ZBTB7C: variants seen among roughly 807,000 people sequenced by gnomAD.
ZBTB7C encodes zinc finger and BTB domain-containing protein 7C.
ZBTB7C carries 8 observed loss-of-function variants against 25.7 expected under a neutral mutation model. The observed-to-expected ratio is 0.31, with a 90% CI of 0.18 to 0.56. The LOEUF (loss-of-function observed/expected upper bound fraction) is 0.56. ZBTB7C is among the 20% of genes least tolerant of loss of function. The pLI, the probability that ZBTB7C is intolerant of heterozygous loss-of-function variation, is 0.91. For missense variants in ZBTB7C, 824 were observed against 855.2 expected (o/e 0.96, Z 0.46); for synonymous variants, 394 against 369.0 (o/e 1.07, Z -0.78).
intron 1 of ZBTB7C, among the ~76,000 whole-genome samples, chr18:48,386,256 C>T (rs1289119652): frequency 6.6e-6 from 1 of 152,210 alleles, no homozygotes; most frequent in East Asian, 1.9e-4. Context: ...TCAACCATCA[C>T]TAATAGCAAG....
At chr18:48,294,552 C>T (rs2045333773) in intron 2 of ZBTB7C, among the ~76,000 whole-genome samples, 1 of 152,118 alleles carries the variant, frequency 6.6e-6, no homozygotes, top group Non-Finnish European at 1.5e-5. Flanking sequence ...AGAGCGAGGC[C>T]ATTTGTGAGG....
chr18:48,246,915 T>C (rs1026030052), intron 2 of ZBTB7C, among the ~76,000 whole-genome samples: 2 of 152,044 alleles, frequency 1.3e-5, no homozygotes, highest in Non-Finnish European at 2.9e-5. Context: ...GAGCGGACCA[T>C]GAGCACAGAT....
intron 3 of ZBTB7C, among the ~76,000 whole-genome samples, chr18:48,128,421 C>A (rs1296632408): frequency 6.6e-6 from 1 of 152,228 alleles, no homozygotes; most frequent in African/African-American, 2.4e-5. Context: ...TGTCTGCTGG[C>A]CGGTTCACAA....
At chr18:48,163,392 G>A (rs774257027) in intron 3 of ZBTB7C, among the ~76,000 whole-genome samples, 3 of 152,140 alleles carry the variant, frequency 2.0e-5, no homozygotes, top group Admixed American at 6.5e-5. Flanking sequence ...GCTCTGATCC[G>A]TAGCAATGTG....
At chr18:48,309,638 C>T (rs56706216) in intron 2 of ZBTB7C, among the ~76,000 whole-genome samples, 3,190 of 152,320 alleles carry the variant, frequency 0.021, 108 homozygotes, top group African/African-American at 0.071. Context: ...ATCCCCATAG[C>T]TATCATAAAA....
chr18:48,336,288 A>C (rs1410811275), intron 2 of ZBTB7C, among the ~76,000 whole-genome samples: 2 of 152,200 alleles, frequency 1.3e-5, no homozygotes, highest in Non-Finnish European at 2.9e-5. Context: ...GGAAGTTAGA[A>C]GGCACTTCTC....
intron 2 of ZBTB7C, among the ~76,000 whole-genome samples, chr18:48,201,277 C>T (rs759328313): frequency 7.9e-5 from 12 of 152,220 alleles, no homozygotes; most frequent in Non-Finnish European, 1.6e-4. Flanking sequence ...AAAACATCAA[C>T]ATCAACAACA....
At chr18:48,398,690 A>G (rs2048086361) in intron 1 of ZBTB7C, among the ~76,000 whole-genome samples, 1 of 150,460 alleles carries the variant, frequency 6.6e-6, no homozygotes, top group African/African-American at 2.5e-5. Flanking sequence ...CCACCCCCAC[A>G]ACGTGAGCAC....
intron 1 of ZBTB7C, among the ~76,000 whole-genome samples, chr18:48,352,886 A>T (rs1476373503): frequency 6.6e-6 from 1 of 151,894 alleles, no homozygotes; most frequent in Non-Finnish European, 1.5e-5. Flanking sequence ...AAGTTACTCC[A>T]CCCCTAGTCC....
At chr18:48,228,851 T>C (rs1237502394) in intron 2 of ZBTB7C, among the ~76,000 whole-genome samples, 1 of 151,354 alleles carries the variant, frequency 6.6e-6, no homozygotes, top group East Asian at 2.0e-4. Context: ...GTGCACACCC[T>C]CTCATACACA....
chr18:48,283,674 A>G (rs2044941683), intron 2 of ZBTB7C, among the ~76,000 whole-genome samples: 1 of 152,232 alleles, frequency 6.6e-6, no homozygotes, highest in South Asian at 2.1e-4. Flanking sequence ...CAGTTCTACC[A>G]GTGAAACTTT....
intron 2 of ZBTB7C, among the ~76,000 whole-genome samples, chr18:48,210,324 C>T (rs1039571633): frequency 3.3e-5 from 5 of 152,154 alleles, no homozygotes; most frequent in African/African-American, 9.7e-5. Flanking sequence ...TAAATATATA[C>T]CCCAAAGCAT....
intron 2 of ZBTB7C, among the ~76,000 whole-genome samples, chr18:48,235,263 T>C (rs1182418818): frequency 6.6e-6 from 1 of 152,182 alleles, no homozygotes; most frequent in East Asian, 1.9e-4. Context: ...TTAGAAAAAA[T>C]TGAGGTTTTA....
At chr18:48,132,579 T>A (rs1349683541) in intron 3 of ZBTB7C, among the ~76,000 whole-genome samples, 2 of 152,242 alleles carry the variant, frequency 1.3e-5, no homozygotes, top group Non-Finnish European at 1.5e-5. Context: ...GTGAATTATA[T>A]CTCAATAAAT....
At chr18:48,317,929 G>A (rs191759639) in intron 2 of ZBTB7C, among the ~76,000 whole-genome samples, 5 of 148,824 alleles carry the variant, frequency 3.4e-5, no homozygotes, top group African/African-American at 4.9e-5. Context: ...GAGACAGCTC[G>A]CCCGACATTC....
At chr18:48,055,410 CAAAAAAAAAA>C (rs57782791) in intron 3 of ZBTB7C, among the ~76,000 whole-genome samples, 3 of 72,788 alleles carry the variant, frequency 4.1e-5, no homozygotes, top group African/African-American at 5.3e-5. Flanking sequence ...ACTCAAGTCT[CAAAAAAAAAA>C]AAAAAAAAAA....
intron 2 of ZBTB7C, among the ~76,000 whole-genome samples, chr18:48,222,023 T>C (rs1403802745): frequency 6.6e-6 from 1 of 151,934 alleles, no homozygotes; most frequent in Non-Finnish European, 1.5e-5. Context: ...ACTGTCCTAA[T>C]CTCCTCTAAA....
chr18:48,116,474 C>A (rs955545193), intron 3 of ZBTB7C, among the ~76,000 whole-genome samples: 2 of 152,234 alleles, frequency 1.3e-5, no homozygotes, highest in Non-Finnish European at 2.9e-5. Context: ...CTGGAGGCCA[C>A]CTTCTCTCTC....
intron 1 of ZBTB7C, among the ~76,000 whole-genome samples, chr18:48,355,370 T>C (rs962613834): frequency 2.0e-5 from 3 of 152,170 alleles, no homozygotes; most frequent in Admixed American, 6.5e-5. Flanking sequence ...AAAGAGTCAA[T>C]TTCCAGATGT....
Sources: allele counts gnomAD v4.1 joint callset (sites outside exome capture counted in the v4.1 genomes callset), GRCh38; gene constraint gnomAD v4.1.1; transcripts MANE v1.5; gene names NCBI Gene and HGNC (gene_info 2026-07-23, HGNC 2026-07-21).